Variants in ZNF717 observed in about 807,000 individuals in gnomAD.
ZNF717 encodes the protein krueppel-like factor X17.
A neutral mutation model predicts 13.8 loss-of-function variants in ZNF717; 9 were observed. That is an observed-to-expected ratio of 0.65 (90% CI 0.39 to 1.14). The LOEUF is 1.14. Among genes scored for constraint, ZNF717 ranks in the 50% most tolerant of loss-of-function variants. The pLI, the probability that ZNF717 is intolerant of heterozygous loss-of-function variation, is 0.01. For missense variants in ZNF717, 1,040 were observed against 1,080.7 expected, an observed-to-expected ratio of 0.96 and a Z score of 0.53; for synonymous variants, 327 against 364.1, an observed-to-expected ratio of 0.90 and a Z score of 1.16.
At chr3:75,731,066 C>A (rs1268722811), downstream of ZNF717, among the ~76,000 whole-genome samples, 1 of 151,964 alleles carries the variant, frequency 6.6e-6, no homozygotes, top group East Asian at 1.9e-4. Flanking sequence ...CATGGCAAAA[C>A]CCTGTCTCTA....
chr3:75,711,682 G>T (rs1937941444), intron 5 of ZNF717, among the ~76,000 whole-genome samples: 1 of 152,112 alleles, frequency 6.6e-6, no homozygotes, highest in South Asian at 2.1e-4. Flanking sequence ...GGATTGGGAG[G>T]TTGAGGATGC....
downstream of ZNF717, among the ~76,000 whole-genome samples, chr3:75,725,085 C>A (rs78146381): frequency 0.024 from 1,095 of 44,948 alleles, no homozygotes; most frequent in African/African-American, 0.05. Flanking sequence ...TGAAACCCTC[C>A]CTCCCTCTCA....
rs1319778458 is a variant in ZNF717, at chr3:75,736,143, ATGT to A, written c.*732_*734del. On this transcript the variant is annotated 3_prime_UTR_variant, in exon 5 of 5. Coordinates refer to ENST00000652011, the MANE Select transcript of ZNF717 (RefSeq NM_001290208.3). Reference sequence around the variant, plus strand: ...GGAAGATAGCAAACGTGATGGAAAAATGTTGTGTTTGACTGCTTCATTGACTAG... The same window carrying A: ...GGAAGATAGCAAACGTGATGGAAAAATGTGTTTGACTGCTTCATTGACTAG... 6.6e-5 allele frequency: 10 copies of A among 152,260 alleles called. No homozygotes were observed. Among genetic ancestry groups the A allele is most frequent in the Non-Finnish European group, 1.2e-4 (8 of 68,074 alleles). 9.4% of individuals were successfully genotyped at this position (152,260 alleles called of 1,614,324 possible).
chr3:75,764,684 C>T (rs1396667224), intron 2 of ZNF717, among the ~76,000 whole-genome samples: 3 of 152,168 alleles, frequency 2.0e-5, no homozygotes, highest in Admixed American at 6.5e-5. Context: ...AGATGTGTAA[C>T]ATCACTAATC....
chr3:75,710,677 A>T lies in ZNF717; in HGVS notation n.1307T>A, dbSNP rs559051768. 18 of 152,322 alleles carry T rather than the reference A, an allele frequency of 1.2e-4. No individual in the cohort carries two copies. In the East Asian group the frequency reaches 3.1e-3, roughly 26 times the overall value. 9.4% of individuals were successfully genotyped at this position (152,322 alleles called of 1,614,324 possible). ...TCTTTCTGTGATCCATACATCAGGC[A>T]CAAGTTTATTCTTTAAAATTTATCT... On this transcript the variant is annotated non_coding_transcript_exon_variant, in exon 6 of 6. Transcript: ENST00000491507.
chr3:75,746,074 C>T (rs1251771918), intron 2 of ZNF717, among the ~76,000 whole-genome samples: 7 of 152,166 alleles, frequency 4.6e-5, no homozygotes, highest in Admixed American at 4.6e-4. Context: ...CTTCCTGTGT[C>T]CATGTGTTTT....
chr3:75,711,721 C>G (rs1381301086), intron 5 of ZNF717, among the ~76,000 whole-genome samples: 2 of 152,152 alleles, frequency 1.3e-5, no homozygotes, highest in Non-Finnish European at 2.9e-5. Flanking sequence ...CACTGTATAC[C>G]AGCTTGGGCA....
intron 4 of ZNF717, among the ~76,000 whole-genome samples, chr3:75,720,109 C>G (rs1938140066): frequency 6.6e-6 from 1 of 151,898 alleles, no homozygotes; most frequent in Non-Finnish European, 1.5e-5. Context: ...TCTCAAAAAA[C>G]AGAACTATCA....
At chr3:75,765,272 A>T (rs1559662560) in intron 2 of ZNF717, among the ~76,000 whole-genome samples, 1 of 151,890 alleles carries the variant, frequency 6.6e-6, no homozygotes, top group Non-Finnish European at 1.5e-5. Context: ...GCTTTCCAAG[A>T]TAAAAAAAAA....
At chr3:75,747,870 TA>T (rs55936627) in intron 2 of ZNF717, among the ~76,000 whole-genome samples, 112,073 of 151,848 alleles carry the variant, frequency 0.74, 41,835 homozygotes, top group East Asian at 0.8. Context: ...GATAGAGACA[TA>T]AAAAACCCTT....
At chr3:75,746,816 G>C (rs1941227771) in intron 2 of ZNF717, among the ~76,000 whole-genome samples, 2 of 152,072 alleles carry the variant, frequency 1.3e-5, no homozygotes. Context: ...CCATTCTGTA[G>C]GCTGCCTGTT....
downstream of ZNF717, among the ~76,000 whole-genome samples, chr3:75,726,824 T>C (rs1460320030): frequency 1.1e-4 from 17 of 152,366 alleles, no homozygotes; most frequent in Non-Finnish European, 1.9e-4. Flanking sequence ...AGCTCCAGAA[T>C]ACCCCCACAG....
intron 4 of ZNF717, among the ~76,000 whole-genome samples, chr3:75,724,132 C>T (rs1176020993): frequency 1.1e-4 from 16 of 152,066 alleles, no homozygotes; most frequent in Non-Finnish European, 2.1e-4. Flanking sequence ...AGACAGGAGA[C>T]CCACGTGACC....
intron 2 of ZNF717, among the ~76,000 whole-genome samples, chr3:75,765,258 T>G (rs764197707): frequency 6.6e-6 from 1 of 151,844 alleles, no homozygotes; most frequent in South Asian, 2.1e-4. Context: ...TGAATGGGTA[T>G]AGAGCTTTCC....
At position 75,751,281 on chromosome 3, in the gene ZNF717, T is replaced by A. The variant is rs371769665; in HGVS notation, c.58-9545A>T. Among the ~76,000 whole-genome samples, 1,068 of 147,140 alleles carry A rather than the reference T, an allele frequency of 7.3e-3. 15 individuals carry two copies. The highest frequency in any genetic ancestry group is 0.024 in the African/African-American group (965 of 39,538). On this transcript the variant is annotated intron_variant, in intron 2 of 4. Coordinates refer to ENST00000652011, the MANE Select transcript of ZNF717 (RefSeq NM_001290208.3). ...GTCTGAATGTTTGTACCCCATGTAG[T>A]ACTCAAGAACACTGCTGCTGGGGTC...
chr3:75,742,415 T>C lies in ZNF717; in HGVS notation c.58-679A>G, dbSNP rs1288955309. 8.6e-5 allele frequency among the ~76,000 whole-genome samples: 13 copies of C among 151,776 alleles called. No individual in the cohort carries two copies. In the East Asian group the frequency reaches 2.5e-3, roughly 29 times the overall value. ...AAGTATAAACACATACTGGGAATAA[T>C]GTTTAGGTGAACTCATTGAGACACA... On this transcript the variant is annotated intron_variant, in intron 2 of 4. Transcript: ENST00000652011.
At chr3:75,762,978 C>T (rs373690681) in intron 2 of ZNF717, among the ~76,000 whole-genome samples, 12 of 151,884 alleles carry the variant, frequency 7.9e-5, no homozygotes, top group Admixed American at 4.6e-4. Flanking sequence ...GTTGGGAAAA[C>T]TGTATATCCA....
chr3:75,767,178 C>T (rs575834283), intron 2 of ZNF717, among the ~76,000 whole-genome samples: 1 of 152,364 alleles, frequency 6.6e-6, no homozygotes, highest in African/African-American at 2.4e-5. Context: ...ATGATGGAAA[C>T]CATACGGCCA....
intron 4 of ZNF717, among the ~76,000 whole-genome samples, chr3:75,723,570 T>C (rs1300235655): frequency 6.6e-6 from 1 of 152,278 alleles, no homozygotes; most frequent in Non-Finnish European, 1.5e-5. Context: ...TAATAATCTC[T>C]GTTCTACAAC....
Sources: gnomAD v4.1 joint callset for allele counts (sites outside exome capture counted in the v4.1 genomes callset) on GRCh38, gnomAD v4.1.1 for gene constraint, MANE v1.5 for transcripts, NCBI Gene and HGNC (gene_info 2026-07-23, HGNC 2026-07-21) for gene names.